RAPGEF4: variants seen among roughly 807,000 people sequenced by gnomAD.
RAPGEF4 encodes RAP guanine-nucleotide-exchange factor (GEF) 4.
In RAPGEF4, 66 loss-of-function variants were observed where a neutral mutation model predicts 147.9. That is an observed-to-expected ratio of 0.45 (90% CI 0.37 to 0.55). The LOEUF (loss-of-function observed/expected upper bound fraction) is 0.55, where lower values mean the gene tolerates loss of function less well. RAPGEF4 is among the 20% of genes least tolerant of loss of function. The pLI is 0.00. For synonymous variants in RAPGEF4, 419 were observed against 442.7 expected, an observed-to-expected ratio of 0.95 and a Z score of 0.67; for missense variants, 1,071 against 1,257.3, an observed-to-expected ratio of 0.85 and a Z score of 2.24.
chr2:172,842,911 A>G lies in RAPGEF4; in HGVS notation c.444+28486A>G, dbSNP rs114557632. The stretch of plus-strand genomic sequence containing the variant: ...TCTGCCCCACAGGCCGTGGAATGAT[A>G]GGAGTGAGATTGCAGAGGTGGTGCA... On this transcript the variant is annotated intron_variant, in intron 4 of 30. Transcript: ENST00000397081. Among the ~76,000 whole-genome samples the G allele has an allele frequency of 1.5e-3, 223 of 152,332 alleles. 3 individuals carry two copies. Among genetic ancestry groups the G allele is most frequent in the African/African-American group, 4.3e-3 (178 of 41,584 alleles).
At chr2:172,903,525 T>G (rs1575185354) in intron 4 of RAPGEF4, among the ~76,000 whole-genome samples, 2 of 144,262 alleles carry the variant, frequency 1.4e-5, no homozygotes, top group African/African-American at 2.6e-5. Context: ...GCGACAAGAG[T>G]GAAACTCCAT....
chr2:172,995,116 GT>G (rs1693201720), intron 15 of RAPGEF4, among the ~76,000 whole-genome samples: 1 of 85,966 alleles, frequency 1.2e-5, no homozygotes, highest in Non-Finnish European at 3.3e-5. Context: ...TTAACAATAT[GT>G]TAAGAGTTAC....
chr2:172,756,485 C>T, intron 1 of RAPGEF4, among the ~76,000 whole-genome samples: 1 of 152,344 alleles, frequency 6.6e-6, no homozygotes, highest in Admixed American at 6.5e-5. Context: ...ATCTGCCATA[C>T]CTATTCTGCT....
chr2:172,850,375 C>T (rs6433383), intron 4 of RAPGEF4, among the ~76,000 whole-genome samples: 116,559 of 152,020 alleles, frequency 0.77, 44,944 homozygotes, highest in East Asian at 0.96. Flanking sequence ...CCTAGCACTT[C>T]GGGAGGCCGA....
intron 22 of RAPGEF4, among the ~76,000 whole-genome samples, chr2:173,019,630 T>C (rs930464156): frequency 6.6e-6 from 1 of 152,220 alleles, no homozygotes; most frequent in African/African-American, 2.4e-5. Context: ...GGTGAATGAT[T>C]CCACTGATGG....
intron 5 of RAPGEF4, chr2:172,918,099 C>T: frequency 1.4e-6 from 1 of 705,928 alleles, no homozygotes; most frequent in South Asian, 1.5e-5. Context: ...CTGGTGCCAG[C>T]TGGAACTTTG....
In RAPGEF4 at chr2:173,005,520, G is replaced by GTTTTTTTTTTTTTT. The variant is rs573596077; in HGVS notation, c.1658+4184_1658+4197dup. Among the ~76,000 whole-genome samples, 55 of 86,712 alleles carry GTTTTTTTTTTTTTT rather than the reference G, an allele frequency of 6.3e-4. 1 individual carries two copies. The highest frequency in any genetic ancestry group is 0.012 in the Middle Eastern group (1 of 84). 56.9% of individuals were successfully genotyped at this position (86,712 alleles called of 152,430 possible). On this transcript the variant is annotated intron_variant, in intron 17 of 30. Transcript: ENST00000397081. The stretch of plus-strand genomic sequence containing the variant: ...TTTGTTGTTGTTGTTGTTGTTTTGT[G>GTTTTTTTTTTTTTT]TTTTTTTTTTTTTTTTTTTTTGAGA...
At chr2:172,998,741 C>T (rs1455224718) in intron 16 of RAPGEF4, among the ~76,000 whole-genome samples, 1 of 152,160 alleles carries the variant, frequency 6.6e-6, no homozygotes, top group Non-Finnish European at 1.5e-5. Flanking sequence ...ACCAAATTTC[C>T]AGGACCATGG....
intron 30 of RAPGEF4, among the ~76,000 whole-genome samples, chr2:173,051,386 A>ATT (rs59037995): frequency 8.0e-5 from 12 of 150,020 alleles, no homozygotes; most frequent in South Asian, 4.2e-4. Context: ...ATTTGGTGCC[A>ATT]TTTTTTTTTT....
intron 5 of RAPGEF4, among the ~76,000 whole-genome samples, chr2:172,921,647 G>A (rs1405212521): frequency 6.6e-6 from 1 of 152,294 alleles, no homozygotes; most frequent in East Asian, 1.9e-4. Context: ...AAAAGGAATA[G>A]GACTGCCTGT....
rs112494878 is a variant in RAPGEF4 at position 172,964,582 on chromosome 2, G to A, written c.699-980G>A. Reference sequence around the variant, plus strand: ...GTCTCCTCCAATTTCAACTAGAGAGGAGCTCCTTAGCCCGTGCCCCAGAGG... The same window carrying A: ...GTCTCCTCCAATTTCAACTAGAGAGAAGCTCCTTAGCCCGTGCCCCAGAGG... On this transcript the variant is annotated intron_variant, in intron 8 of 30. Transcript: ENST00000397081. Among the ~76,000 whole-genome samples the A allele has an allele frequency of 5.5e-3, 842 of 152,056 alleles. 12 individuals are homozygous for A. The highest frequency in any genetic ancestry group is 0.019 in the African/African-American group (807 of 41,460).
At chr2:173,044,228 C>T (rs1037198866) in intron 29 of RAPGEF4, among the ~76,000 whole-genome samples, 2 of 142,378 alleles carry the variant, frequency 1.4e-5, no homozygotes, top group African/African-American at 5.3e-5. Context: ...AAGGTAGCTT[C>T]CCGGTCATTG....
chr2:173,008,069 GC>G (rs11451480), intron 17 of RAPGEF4, among the ~76,000 whole-genome samples: 1 of 151,864 alleles, frequency 6.6e-6, no homozygotes, highest in African/African-American at 2.4e-5. Flanking sequence ...ATCGGGTGTG[GC>G]CCCCCCATGC....
At chr2:172,989,589 G>C (rs376410657) in intron 14 of RAPGEF4, among the ~76,000 whole-genome samples, 1 of 152,132 alleles carries the variant, frequency 6.6e-6, no homozygotes, top group Non-Finnish European at 1.5e-5. Flanking sequence ...CCCAGCATGC[G>C]GTCCCTTGTC....
chr2:172,958,161 A>G (rs934654640), intron 6 of RAPGEF4, among the ~76,000 whole-genome samples: 2 of 152,232 alleles, frequency 1.3e-5, no homozygotes, highest in African/African-American at 2.4e-5. Flanking sequence ...TTCATTGGAA[A>G]GAAAAGTTGA....
chr2:172,956,632 G>A (rs1688768705), intron 6 of RAPGEF4, among the ~76,000 whole-genome samples: 1 of 151,994 alleles, frequency 6.6e-6, no homozygotes, highest in Admixed American at 6.5e-5. Flanking sequence ...ACCACGCCCG[G>A]CTAATTTTTT....
chr2:173,008,864 GT>G (rs1293660754), intron 17 of RAPGEF4, among the ~76,000 whole-genome samples: 1 of 152,206 alleles, frequency 6.6e-6, no homozygotes, highest in Non-Finnish European at 1.5e-5. Context: ...AATAATTACA[GT>G]GTTTGAACGG....
Position 172,921,288 on chromosome 2 carries a change from A to G in RAPGEF4, c.518-993A>G, listed in dbSNP as rs150248327. On this transcript the variant is annotated intron_variant, in intron 5 of 30. Coordinates refer to ENST00000397081, the MANE Select transcript of RAPGEF4 (RefSeq NM_007023.4). Reference sequence around the variant, plus strand: ...GTTTTTTGTGGAGACAGGCTTCACCATGTCGGCCAGGCTGCTCTCGAGCTC... The same window carrying G: ...GTTTTTTGTGGAGACAGGCTTCACCGTGTCGGCCAGGCTGCTCTCGAGCTC... Among the ~76,000 whole-genome samples, 334 of 152,074 alleles carry G rather than the reference A, an allele frequency of 2.2e-3. 1 individual carries two copies. The highest frequency in any genetic ancestry group is 6.9e-3 in the African/African-American group (287 of 41,500).
chr2:172,749,526 G>A (rs1471655935), intron 1 of RAPGEF4, among the ~76,000 whole-genome samples: 7 of 152,204 alleles, frequency 4.6e-5, no homozygotes, highest in Non-Finnish European at 7.3e-5. Context: ...TCCCTAGGCC[G>A]CACACAGCAG....
Sources: gnomAD v4.1 joint callset for allele counts (sites outside exome capture counted in the v4.1 genomes callset) on GRCh38, gnomAD v4.1.1 for gene constraint, MANE v1.5 for transcripts, NCBI Gene and HGNC (gene_info 2026-07-23, HGNC 2026-07-21) for gene names.